The following ACOXL variants were observed in gnomAD, a reference collection of about 807,000 sequenced individuals.
The protein encoded by ACOXL is acyl-CoA oxidase like.
A neutral mutation model predicts 71.9 loss-of-function variants in ACOXL; 70 were observed. That is an observed-to-expected ratio of 0.97 (90% CI 0.80 to 1.19). ACOXL has a LOEUF of 1.19. Among genes scored for constraint, ACOXL ranks in the 50% most tolerant of loss-of-function variants. The probability of loss-of-function intolerance (pLI) is 0.00; values close to 1 mark genes in which losing one functional copy is unlikely to be tolerated. For missense variants in ACOXL, 703 were observed against 736.3 expected (o/e 0.95, Z 0.52); for synonymous variants, 253 against 281.6 (o/e 0.90, Z 1.02).
At chr2:111,081,681 T>G (rs1412886714) in intron 16 of ACOXL, among the ~76,000 whole-genome samples, 3 of 152,122 alleles carry the variant, frequency 2.0e-5, no homozygotes. Context: ...ACTTTAAATT[T>G]CATATGGAAC....
At chr2:110,886,742 G>A in intron 10 of ACOXL, 1 of 1,550,554 alleles carries the variant, frequency 6.4e-7, no homozygotes, top group Non-Finnish European at 8.7e-7. Flanking sequence ...CGGAAGAACT[G>A]AATTTGTTGC....
intron 12 of ACOXL, among the ~76,000 whole-genome samples, chr2:110,981,216 G>A (rs543704063): frequency 2.0e-5 from 3 of 152,156 alleles, no homozygotes; most frequent in Non-Finnish European, 1.5e-5. Flanking sequence ...ACAAAAATTA[G>A]GTGTGGTAGC....
At chr2:110,808,349 T>C (rs2105388479) in intron 9 of ACOXL, among the ~76,000 whole-genome samples, 1 of 152,260 alleles carries the variant, frequency 6.6e-6, no homozygotes, top group East Asian at 1.9e-4. Context: ...CCAGGATGTG[T>C]GATTCTGCAG....
chr2:110,897,315 CACTT>C (rs996262818), intron 10 of ACOXL, among the ~76,000 whole-genome samples: 2 of 152,166 alleles, frequency 1.3e-5, no homozygotes, highest in Non-Finnish European at 2.9e-5. Context: ...TCTAAGCTCT[CACTT>C]AAAGAATGGT....
chr2:110,820,072 G>A (rs772942931), intron 9 of ACOXL, among the ~76,000 whole-genome samples: 2 of 152,162 alleles, frequency 1.3e-5, no homozygotes, highest in Non-Finnish European at 2.9e-5. Context: ...ATAGACTTCC[G>A]TGTGGTCGTG....
intron 3 of ACOXL, among the ~76,000 whole-genome samples, 178 bp from the exon 4 acceptor site, chr2:110,793,472 A>G (rs1684902275): frequency 6.6e-6 from 1 of 152,194 alleles, no homozygotes; most frequent in Non-Finnish European, 1.5e-5. Context: ...GTCTGCAGAG[A>G]GAAACTGGAG....
chr2:110,997,107 G>T (rs2063431386), intron 14 of ACOXL, among the ~76,000 whole-genome samples: 1 of 152,230 alleles, frequency 6.6e-6, no homozygotes, highest in Non-Finnish European at 1.5e-5. Flanking sequence ...AAATGCTACA[G>T]CTGCGGTGAA....
chr2:111,073,309 C>G lies in ACOXL; in HGVS notation c.1441-19556C>G, dbSNP rs1428012852. On this transcript the variant is annotated intron_variant, in intron 16 of 17. Transcript: ENST00000439055. Reference sequence around the variant, plus strand: ...TCTTTCATGAGTTATGCTTTTGATGCCAAACCTAAGAACTCTTCGTTAAAC... The same window carrying G: ...TCTTTCATGAGTTATGCTTTTGATGGCAAACCTAAGAACTCTTCGTTAAAC... Among the ~76,000 whole-genome samples the G allele has an allele frequency of 2.0e-5, 3 of 152,040 alleles. No individual in the cohort carries two copies. In the East Asian group the frequency reaches 5.8e-4, roughly 29 times the overall value.
intron 1 of ACOXL, among the ~76,000 whole-genome samples, chr2:110,767,152 T>G (rs932314699): frequency 3.9e-5 from 6 of 152,212 alleles, no homozygotes; most frequent in Non-Finnish European, 8.8e-5. Context: ...CCTCTGGCTC[T>G]GAAATCTAAC....
At position 110,836,675 on chromosome 2, in the gene ACOXL, A is replaced by G. The variant is rs936801291; in HGVS notation, c.754-4696A>G. On this transcript the variant is annotated intron_variant, in intron 9 of 17. Coordinates refer to ENST00000439055, the MANE Select transcript of ACOXL (RefSeq NM_001142807.4). ...GGAACAGTAAAACCATACAGAAGAAAAACAAATACCAATTTCTTTTAGTGT... is the reference window on the plus strand; with the variant it reads ...GGAACAGTAAAACCATACAGAAGAAGAACAAATACCAATTTCTTTTAGTGT... Among the ~76,000 whole-genome samples, 4 of 152,372 alleles carry G rather than the reference A, an allele frequency of 2.6e-5. 1 individual carries two copies. In the South Asian group the frequency reaches 8.3e-4, roughly 32 times the overall value.
chr2:110,847,526 A>G (rs1213074506), intron 10 of ACOXL, among the ~76,000 whole-genome samples: 1 of 152,244 alleles, frequency 6.6e-6, no homozygotes, highest in Non-Finnish European at 1.5e-5. Context: ...TAAACGAAGA[A>G]GGAAGCAAAT....
chr2:110,733,404 GAT>G (rs1177123901), intron 1 of ACOXL, among the ~76,000 whole-genome samples: 1 of 152,302 alleles, frequency 6.6e-6, no homozygotes, highest in African/African-American at 2.4e-5. Context: ...CTGCACTGGA[GAT>G]AGAGAGATGG....
At chr2:111,111,870 G>T (rs1302296629) in intron 17 of ACOXL, among the ~76,000 whole-genome samples, 2 of 152,186 alleles carry the variant, frequency 1.3e-5, no homozygotes, top group Non-Finnish European at 2.9e-5. Context: ...AGGTAGTATG[G>T]CTTGGAAGTG....
intron 9 of ACOXL, among the ~76,000 whole-genome samples, chr2:110,829,100 C>T (rs182369578): frequency 8.2e-4 from 125 of 152,316 alleles, no homozygotes; most frequent in Non-Finnish European, 1.4e-3. Context: ...CGTGAGCCAC[C>T]GTGCCCAGCC....
chr2:111,050,271 A>C (rs928208227), intron 16 of ACOXL, among the ~76,000 whole-genome samples: 11 of 152,166 alleles, frequency 7.2e-5, no homozygotes, highest in Non-Finnish European at 1.5e-4. Context: ...TTAAAAAAAA[A>C]AAAGCTTTCA....
At chr2:110,989,295 C>T (rs7589645) in intron 13 of ACOXL, among the ~76,000 whole-genome samples, 57,834 of 151,958 alleles carry the variant, frequency 0.38, 12,290 homozygotes, top group African/African-American at 0.56. Context: ...ATTAAATCTC[C>T]GTCTATTTGA....
chr2:110,988,533 T>C (rs2063033614), intron 13 of ACOXL, among the ~76,000 whole-genome samples: 1 of 152,182 alleles, frequency 6.6e-6, no homozygotes, highest in Admixed American at 6.5e-5. Context: ...CTACGGTATA[T>C]ATTACCTAGG....
chr2:110,834,425 T>C (rs997521316), intron 9 of ACOXL, among the ~76,000 whole-genome samples: 1 of 152,242 alleles, frequency 6.6e-6, no homozygotes, highest in Non-Finnish European at 1.5e-5. Context: ...CATAATTCTT[T>C]TGTTTGAAAC....
chr2:110,921,513 C>G (rs1348871793), intron 11 of ACOXL, among the ~76,000 whole-genome samples: 5 of 151,580 alleles, frequency 3.3e-5, no homozygotes, highest in Non-Finnish European at 4.4e-5. Context: ...CCTGCCTCAG[C>G]CTCCCAAGTA....
Sources: allele counts gnomAD v4.1 joint callset (sites outside exome capture counted in the v4.1 genomes callset), GRCh38; gene constraint gnomAD v4.1.1; transcripts MANE v1.5; gene names NCBI Gene and HGNC (gene_info 2026-07-23, HGNC 2026-07-21).